The following STX7 variants were observed in gnomAD, a reference collection of about 807,000 sequenced individuals.
STX7 encodes the protein syntaxin 7.
A neutral mutation model predicts 39.6 loss-of-function variants in STX7; 34 were observed. That is an observed-to-expected ratio of 0.86 (90% CI 0.65 to 1.14). STX7 has a LOEUF of 1.14. Ranked by LOEUF, STX7 falls within the 50% of genes most tolerant of loss-of-function variation. STX7 has a pLI of 0.00. For synonymous variants in STX7, 119 were observed against 99.1 expected (o/e 1.20, Z -1.19); for missense variants, 284 against 310.4 (o/e 0.92, Z 0.64).
At position 132,453,524 on chromosome 6, in the gene STX7, A is replaced by G. The variant is rs930787480; in HGVS notation, c.*7234T>C. 1 of 151,838 alleles carries G rather than the reference A, an allele frequency of 6.6e-6. No individual in the cohort carries two copies. Among genetic ancestry groups the G allele is most frequent in the Non-Finnish European group, 1.5e-5 (1 of 67,856 alleles). 9.4% of individuals were successfully genotyped at this position (151,838 alleles called of 1,614,324 possible). On this transcript the variant is annotated 3_prime_UTR_variant, in exon 10 of 10. Transcript: ENST00000367941. ...TCCAACAAAGGACTAGTATCTAGAA[A>G]AAAATACACACACACACACACAGAG...
At chr6:132,481,418 T>C (rs1309228839) in intron 2 of STX7, among the ~76,000 whole-genome samples, 1 of 152,216 alleles carries the variant, frequency 6.6e-6, no homozygotes, top group Non-Finnish European at 1.5e-5. Flanking sequence ...AGGTGATTAA[T>C]AATGAAAGTA....
At chr6:132,495,313 T>C (rs976806404) in intron 2 of STX7, among the ~76,000 whole-genome samples, 4 of 152,204 alleles carry the variant, frequency 2.6e-5, no homozygotes, top group Non-Finnish European at 5.9e-5. Flanking sequence ...TTCACATCTA[T>C]CTCTGTTTTA....
chr6:132,486,966 CTAG>C (rs138057833), intron 2 of STX7, among the ~76,000 whole-genome samples: 3,550 of 152,306 alleles, frequency 0.023, 126 homozygotes, highest in African/African-American at 0.08. Context: ...TGCACCCAGC[CTAG>C]TAGTGTTCTC....
rs1774105075 is a variant in STX7, at chr6:132,449,950, C to T, written c.*10808G>A. ...CTTCGGAGGGGATTTTCATCCACTT[C>T]TTAGAGTAACCACCAGAGTCCACTG... On this transcript the variant is annotated 3_prime_UTR_variant, in exon 10 of 10. Coordinates refer to ENST00000367941, the MANE Select transcript of STX7 (RefSeq NM_003569.3). The T allele has an allele frequency of 6.6e-6, 1 of 152,150 alleles. No homozygotes were observed. Among genetic ancestry groups the T allele is most frequent in the Non-Finnish European group, 1.5e-5 (1 of 68,028 alleles). 9.4% of individuals were successfully genotyped at this position (152,150 alleles called of 1,614,324 possible).
chr6:132,471,375 G>A (rs1049720308), intron 5 of STX7, 88 bp downstream of exon 5: 5 of 1,399,998 alleles, frequency 3.6e-6, no homozygotes, highest in East Asian at 2.4e-5. Context: ...AGATCTTTAT[G>A]ACTTAAAAAA....
intron 8 of STX7, among the ~76,000 whole-genome samples, chr6:132,466,082 C>G (rs918290388): frequency 6.6e-6 from 1 of 152,222 alleles, no homozygotes; most frequent in Non-Finnish European, 1.5e-5. Context: ...TACTTGGTAT[C>G]CACCACTGTT....
At chr6:132,512,192 G>A (rs904057810) in intron 1 of STX7, among the ~76,000 whole-genome samples, 6 of 152,012 alleles carry the variant, frequency 3.9e-5, no homozygotes, top group African/African-American at 1.5e-4. Context: ...CAGATTCTGG[G>A]CAAGTTTTAT....
chr6:132,489,717 C>T (rs77225564), intron 2 of STX7, among the ~76,000 whole-genome samples: 1,824 of 152,298 alleles, frequency 0.012, 35 homozygotes, highest in African/African-American at 0.042. Context: ...CCTGTGCTCC[C>T]CTTCCCAGCA....
chr6:132,494,975 C>G (rs543784360), intron 2 of STX7, among the ~76,000 whole-genome samples: 109 of 152,246 alleles, frequency 7.2e-4, no homozygotes, highest in African/African-American at 2.5e-3. Context: ...TGGAGAGACA[C>G]AGACAGATCT....
intron 2 of STX7, among the ~76,000 whole-genome samples, chr6:132,491,613 C>T (rs2114442877): frequency 6.6e-6 from 1 of 152,224 alleles, no homozygotes; most frequent in Middle Eastern, 3.4e-3. Flanking sequence ...CACAGGCTGA[C>T]GATCCTTCCA....
chr6:132,488,027 T>A lies in STX7; in HGVS notation c.86-12365A>T, dbSNP rs556532681. ...TGTCTTCTTTTCTAATACAGGTGTT[T>A]AGTGCTCCCTTAAGTACTGAGTTAA... On this transcript the variant is annotated intron_variant, in intron 2 of 9. Transcript: ENST00000367941. Among the ~76,000 whole-genome samples, 11 of 152,348 alleles carry A rather than the reference T, an allele frequency of 7.2e-5. No individual in the cohort carries two copies. In the South Asian group the frequency reaches 2.3e-3, roughly 32 times the overall value.
intron 8 of STX7, among the ~76,000 whole-genome samples, chr6:132,464,943 C>T (rs1194891124): frequency 2.0e-5 from 3 of 152,156 alleles, no homozygotes; most frequent in Non-Finnish European, 4.4e-5. Context: ...CTCTTCCTCC[C>T]TACCAGCTCT....
chr6:132,480,150 G>C (rs150715217), intron 2 of STX7, among the ~76,000 whole-genome samples: 2 of 151,938 alleles, frequency 1.3e-5, no homozygotes, highest in African/African-American at 4.8e-5. Context: ...TCCACACACC[G>C]ATGCTTCTGC....
In STX7 at chr6:132,460,512, A is replaced by G; in HGVS notation, c.*246T>C. 3.1e-6 allele frequency: 1 copy of G among 325,496 alleles called. No individual in the cohort carries two copies. The highest frequency in any genetic ancestry group is 4.7e-5 in the Admixed American group (1 of 21,296). 20.2% of individuals were successfully genotyped at this position (325,496 alleles called of 1,614,324 possible). A position where few individuals can be genotyped will look rare whatever the true frequency, so the allele number is the denominator to read the frequency against. ...AAAGGCATATGCAATGTGGGCAAAA[A>G]CTTAACAACTATTAAATTGAAGACC... On this transcript the variant is annotated 3_prime_UTR_variant, in exon 10 of 10. Transcript: ENST00000367941.
chr6:132,458,397 T>A lies in STX7; in HGVS notation c.*2361A>T, dbSNP rs568328041. 1 of 152,166 alleles carries A rather than the reference T, an allele frequency of 6.6e-6. No homozygotes were observed. Among genetic ancestry groups the A allele is most frequent in the Non-Finnish European group, 1.5e-5 (1 of 68,028 alleles). The allele number at this position is 152,166 out of a possible 1,614,324, so 9.4% of individuals were successfully genotyped here. On this transcript the variant is annotated 3_prime_UTR_variant, in exon 10 of 10. Coordinates refer to ENST00000367941, the MANE Select transcript of STX7 (RefSeq NM_003569.3). ...TACCATCAATCATATTGCAAAACCATAGTATTTAACGACCAATAAACAGCC... is the reference window on the plus strand; with the variant it reads ...TACCATCAATCATATTGCAAAACCAAAGTATTTAACGACCAATAAACAGCC...
chr6:132,503,159 T>G (rs1001620996), intron 2 of STX7, among the ~76,000 whole-genome samples: 36 of 152,346 alleles, frequency 2.4e-4, no homozygotes, highest in African/African-American at 7.9e-4. Context: ...TAGAACCAGA[T>G]AGCTTTAAAG....
intron 2 of STX7, among the ~76,000 whole-genome samples, chr6:132,486,500 A>G (rs1246927952): frequency 6.6e-6 from 1 of 152,132 alleles, no homozygotes; most frequent in Non-Finnish European, 1.5e-5. Flanking sequence ...AACATAATGA[A>G]CAATATTTAT....
chr6:132,496,455 T>C (rs901618679), intron 2 of STX7, among the ~76,000 whole-genome samples: 1 of 152,164 alleles, frequency 6.6e-6, no homozygotes, highest in African/African-American at 2.4e-5. Context: ...GCCCCAGCTT[T>C]CCCATCTCCT....
chr6:132,475,658 C>T lies in STX7; in HGVS notation c.90G>A (p.Val30=). 6.2e-7 allele frequency: 1 copy of T among 1,600,232 alleles called. No individual in the cohort carries two copies. The highest frequency in any genetic ancestry group is 1.1e-5 in the South Asian group (1 of 88,580). The change falls in exon 3 of 10, where the codon GTG becomes GTA. Residue 30 remains valine (V), a synonymous_variant. Coordinates refer to ENST00000367941, the MANE Select transcript of STX7 (RefSeq NM_003569.3). ...SNIQKITQCS[V]EIQRTLNQLG... ...GTTGATTCAGAGTTCTTTGTATTTC[C>T]ACAGCTATTATAATAGAAAATTCAT...
Sources: gnomAD v4.1 joint callset for allele counts (sites outside exome capture counted in the v4.1 genomes callset) on GRCh38, gnomAD v4.1.1 for gene constraint, MANE v1.5 for transcripts, NCBI Gene and HGNC (gene_info 2026-07-23, HGNC 2026-07-21) for gene names.